Variants in DLGAP2 observed in about 807,000 individuals in gnomAD.
The protein encoded by DLGAP2 is DLG associated protein 2.
In DLGAP2, 26 loss-of-function variants were observed where a neutral mutation model predicts 100.3. The observed-to-expected ratio is 0.26, with a 90% confidence interval of 0.19 to 0.36. The LOEUF (loss-of-function observed/expected upper bound fraction) is 0.36, where lower values mean the gene tolerates loss of function less well. Among genes scored for constraint, DLGAP2 ranks in the 10% least tolerant of loss-of-function variants. DLGAP2 has a pLI of 1.00. For synonymous variants in DLGAP2, 886 were observed against 630.1 expected (o/e 1.41, Z -6.08); for missense variants, 1,858 against 1,453.2 (o/e 1.28, Z -4.53).
chr8:1,151,402 G>T (rs1796694322), intron 2 of DLGAP2, among the ~76,000 whole-genome samples: 2 of 152,226 alleles, frequency 1.3e-5, no homozygotes, highest in South Asian at 4.1e-4. Context: ...GTAACACGAT[G>T]CAGAGAAGTC....
chr8:1,046,158 C>T (rs1304481768), intron 2 of DLGAP2, among the ~76,000 whole-genome samples: 1 of 152,140 alleles, frequency 6.6e-6, no homozygotes, highest in Non-Finnish European at 1.5e-5. Flanking sequence ...TAGCAGAAAC[C>T]ATATTTCTGA....
At chr8:812,020 C>T (rs929739149) in intron 1 of DLGAP2, among the ~76,000 whole-genome samples, 1 of 152,200 alleles carries the variant, frequency 6.6e-6, no homozygotes, top group African/African-American at 2.4e-5. Context: ...GGCTTCCGGA[C>T]TTCTGCCAAA....
chr8:1,471,613 A>G (rs1430935643), intron 3 of DLGAP2, among the ~76,000 whole-genome samples: 1 of 143,456 alleles, frequency 7.0e-6, no homozygotes, highest in Non-Finnish European at 1.5e-5. Context: ...TCCTGCCCAC[A>G]GCCCACTCAT....
chr8:1,149,534 A>G (rs554412887), intron 2 of DLGAP2, among the ~76,000 whole-genome samples: 1 of 152,308 alleles, frequency 6.6e-6, no homozygotes, highest in South Asian at 2.1e-4. Context: ...CTTTGGGTTA[A>G]TATTTGCATG....
chr8:1,147,541 T>C (rs1238977765), intron 2 of DLGAP2, among the ~76,000 whole-genome samples: 3 of 57,042 alleles, frequency 5.3e-5, no homozygotes, highest in East Asian at 2.9e-4. Flanking sequence ...CCTTCTTCTT[T>C]TTTTTTTTTT....
intron 2 of DLGAP2, among the ~76,000 whole-genome samples, chr8:1,146,555 G>GTGTGTGTGCACATGTGTGTGTATGCACA (rs1000007201): frequency 6.6e-6 from 1 of 150,664 alleles, no homozygotes; most frequent in Non-Finnish European, 1.5e-5. Context: ...CTCTGGAACT[G>GTGTGTGTGCACATGTGTGTGTATGCACA]TGTGTGTGCA....
chr8:1,033,852 C>A (rs1432639096), intron 2 of DLGAP2, among the ~76,000 whole-genome samples: 1 of 130,690 alleles, frequency 7.7e-6, no homozygotes, highest in Admixed American at 7.7e-5. Context: ...CGCGTGTCAC[C>A]GCGAGTGGGT....
At chr8:1,614,068 G>C (rs904189298) in intron 6 of DLGAP2, among the ~76,000 whole-genome samples, 3 of 152,134 alleles carry the variant, frequency 2.0e-5, no homozygotes, top group Non-Finnish European at 4.4e-5. Context: ...AGAGCCAGGT[G>C]GGGGAGGCTG....
At chr8:806,775 A>T (rs1332681990) in intron 1 of DLGAP2, among the ~76,000 whole-genome samples, 1 of 152,222 alleles carries the variant, frequency 6.6e-6, no homozygotes, top group Non-Finnish European at 1.5e-5. Flanking sequence ...ACTCAATTAC[A>T]ATTTGAAATA....
chr8:1,571,423 A>G (rs1435208842), intron 6 of DLGAP2, among the ~76,000 whole-genome samples: 7 of 128,678 alleles, frequency 5.4e-5, no homozygotes, highest in Non-Finnish European at 9.7e-5. Flanking sequence ...AGAGAGGGTG[A>G]ATTGTGGGGT....
At chr8:1,355,873 C>T (rs1801837462) in intron 3 of DLGAP2, among the ~76,000 whole-genome samples, 1 of 152,176 alleles carries the variant, frequency 6.6e-6, no homozygotes, top group African/African-American at 2.4e-5. Flanking sequence ...ACCCTAGGGT[C>T]CCTGTCTGCA....
chr8:787,886 G>T (rs976897299), intron 1 of DLGAP2, among the ~76,000 whole-genome samples: 3 of 152,210 alleles, frequency 2.0e-5, no homozygotes, highest in Admixed American at 6.5e-5. Context: ...ACGAGAGGCT[G>T]TTCCTCTAAT....
chr8:1,126,401 G>T (rs1240101390), intron 2 of DLGAP2, among the ~76,000 whole-genome samples: 1 of 151,082 alleles, frequency 6.6e-6, no homozygotes, highest in African/African-American at 2.4e-5. Flanking sequence ...GAGGGAGGCA[G>T]GGGAGAGAAG....
chr8:1,505,365 T>C lies in DLGAP2; in HGVS notation c.172+3934T>C, dbSNP rs1018316342. On this transcript the variant is annotated intron_variant, in intron 4 of 14. Transcript: ENST00000637795. Reference sequence around the variant, plus strand: ...GCAATGAAGTGACATTTGCTTCTGGTCCTATTTCAAAGCATCAATCTTTTT... The same window carrying C: ...GCAATGAAGTGACATTTGCTTCTGGCCCTATTTCAAAGCATCAATCTTTTT... Among the ~76,000 whole-genome samples the C allele has an allele frequency of 3.3e-5, 5 of 152,226 alleles. No individual in the cohort carries two copies. The East Asian group carries it at 5.8e-4, about 18-fold the overall frequency.
chr8:1,320,577 G>A (rs1008697079), intron 3 of DLGAP2, among the ~76,000 whole-genome samples: 48 of 152,204 alleles, frequency 3.2e-4, no homozygotes, highest in African/African-American at 1.1e-3. Flanking sequence ...TCAGCCTGGT[G>A]CTTCATGCTC....
chr8:1,534,032 A>G (rs1039314158), intron 4 of DLGAP2, among the ~76,000 whole-genome samples: 2 of 152,250 alleles, frequency 1.3e-5, no homozygotes, highest in African/African-American at 4.8e-5. Context: ...AAATGTTTTA[A>G]AACAAGCATT....
intron 3 of DLGAP2, among the ~76,000 whole-genome samples, chr8:1,487,108 C>A (rs1234433977): frequency 1.3e-5 from 2 of 152,200 alleles, no homozygotes; most frequent in African/African-American, 2.4e-5. Context: ...TGTGCTAAAA[C>A]CTTGTACTTA....
chr8:888,603 C>CTT (rs776447098), intron 1 of DLGAP2, among the ~76,000 whole-genome samples: 36 of 136,936 alleles, frequency 2.6e-4, no homozygotes, highest in Admixed American at 5.1e-4. Flanking sequence ...TCACTTTCTG[C>CTT]TTTTTTTTTT....
At chr8:1,052,921 A>G (rs2129033283) in intron 2 of DLGAP2, among the ~76,000 whole-genome samples, 1 of 152,368 alleles carries the variant, frequency 6.6e-6, no homozygotes, top group East Asian at 1.9e-4. Flanking sequence ...ATGTCTATAT[A>G]GAGAACCAGG....
Sources: gnomAD v4.1 joint callset for allele counts (sites outside exome capture counted in the v4.1 genomes callset) on GRCh38, gnomAD v4.1.1 for gene constraint, MANE v1.5 for transcripts, NCBI Gene and HGNC (gene_info 2026-07-23, HGNC 2026-07-21) for gene names.